Variants in LRRC4C observed in about 807,000 individuals in gnomAD.
LRRC4C encodes leucine-rich repeat-containing protein 4C.
In LRRC4C, 5 loss-of-function variants were observed where a neutral mutation model predicts 33.6. That is an observed-to-expected ratio of 0.15 (90% CI 0.08 to 0.31). The LOEUF (loss-of-function observed/expected upper bound fraction) is 0.31, where lower values mean the gene tolerates loss of function less well. Among genes scored for constraint, LRRC4C ranks in the 10% least tolerant of loss-of-function variants. LRRC4C has a pLI of 1.00. For missense variants in LRRC4C, 560 were observed against 796.7 expected (o/e 0.70, Z 3.58); for synonymous variants, 329 against 302.0 (o/e 1.09, Z -0.93).
At chr11:40,156,794 T>G (rs760386094) in intron 5 of LRRC4C, among the ~76,000 whole-genome samples, 11 of 152,080 alleles carry the variant, frequency 7.2e-5, no homozygotes, top group Non-Finnish European at 1.3e-4. Context: ...ACACATCCCA[T>G]GCTCATGGAA....
At chr11:40,896,792 G>T (rs1291540030) in intron 2 of LRRC4C, among the ~76,000 whole-genome samples, 1 of 152,046 alleles carries the variant, frequency 6.6e-6, no homozygotes, top group African/African-American at 2.4e-5. Context: ...ATTTAACAAG[G>T]TATGCGCATC....
chr11:40,337,983 C>T (rs958458575), intron 3 of LRRC4C, among the ~76,000 whole-genome samples: 3 of 152,140 alleles, frequency 2.0e-5, no homozygotes, highest in Non-Finnish European at 4.4e-5. Context: ...TAGATATGCC[C>T]TACAACTCTT....
chr11:40,671,538 A>G (rs1038603555), intron 2 of LRRC4C, among the ~76,000 whole-genome samples: 1 of 151,998 alleles, frequency 6.6e-6, no homozygotes, highest in Non-Finnish European at 1.5e-5. Flanking sequence ...TTCACTTTCT[A>G]TATAGCACAA....
chr11:40,699,326 A>G (rs1332712954), intron 2 of LRRC4C, among the ~76,000 whole-genome samples: 1 of 152,194 alleles, frequency 6.6e-6, no homozygotes, highest in African/African-American at 2.4e-5. Flanking sequence ...CCAAATGGCT[A>G]AACAGAGATT....
intron 3 of LRRC4C, among the ~76,000 whole-genome samples, chr11:40,472,502 A>G (rs1296286708): frequency 4.8e-5 from 5 of 103,912 alleles, no homozygotes; most frequent in Admixed American, 2.1e-4. Context: ...CCCACAGGAG[A>G]AAGCAGGAAA....
intron 3 of LRRC4C, among the ~76,000 whole-genome samples, chr11:40,442,287 A>G (rs762179231): frequency 6.6e-5 from 10 of 152,058 alleles, no homozygotes; most frequent in Non-Finnish European, 1.3e-4. Context: ...CTTGTGTCAC[A>G]AGTTCTTAGG....
intron 2 of LRRC4C, among the ~76,000 whole-genome samples, chr11:40,867,340 A>G (rs978768106): frequency 2.0e-5 from 3 of 152,160 alleles, no homozygotes; most frequent in South Asian, 2.1e-4. Context: ...GTCCTGAAAC[A>G]TTGGCTAAGT....
At chr11:41,033,201 C>T (rs1444874607) in intron 1 of LRRC4C, among the ~76,000 whole-genome samples, 1 of 151,936 alleles carries the variant, frequency 6.6e-6, no homozygotes, top group Admixed American at 6.6e-5. Flanking sequence ...ATCCTGAAGT[C>T]ATTTCAGAAT....
At chr11:40,534,350 G>A (rs966672650) in intron 3 of LRRC4C, among the ~76,000 whole-genome samples, 1 of 151,978 alleles carries the variant, frequency 6.6e-6, no homozygotes, top group Non-Finnish European at 1.5e-5. Flanking sequence ...TATATACATA[G>A]TACTTAAAAA....
chr11:40,779,288 T>C (rs1422407762), intron 2 of LRRC4C, among the ~76,000 whole-genome samples: 1 of 152,172 alleles, frequency 6.6e-6, no homozygotes, highest in Non-Finnish European at 1.5e-5. Flanking sequence ...AAAAAATGAA[T>C]AGAAGATAAA....
At chr11:40,790,670 C>T (rs1950587342) in intron 2 of LRRC4C, among the ~76,000 whole-genome samples, 2 of 152,184 alleles carry the variant, frequency 1.3e-5, no homozygotes, top group Admixed American at 1.3e-4. Context: ...CCTAAAATCT[C>T]TGTAAAACAT....
intron 3 of LRRC4C, among the ~76,000 whole-genome samples, chr11:40,408,270 C>G (rs116975890): frequency 0.012 from 1,890 of 152,004 alleles, 16 homozygotes; most frequent in Non-Finnish European, 0.018. Flanking sequence ...TAACAAAACA[C>G]AAGTGTGTGT....
At chr11:41,400,292 C>T (rs1024790068) in intron 1 of LRRC4C, among the ~76,000 whole-genome samples, 9 of 151,816 alleles carry the variant, frequency 5.9e-5, no homozygotes, top group South Asian at 2.1e-4. Flanking sequence ...GAGCTCAGTG[C>T]CTGACATTTA....
At chr11:41,014,677 A>C (rs1324322641) in intron 1 of LRRC4C, among the ~76,000 whole-genome samples, 1 of 152,112 alleles carries the variant, frequency 6.6e-6, no homozygotes, top group Non-Finnish European at 1.5e-5. Context: ...CCTTGTTCAA[A>C]AAGGGCTGTC....
At chr11:41,214,575 CAAAAAAAAAAAAAAA>C (rs547167050) in intron 1 of LRRC4C, among the ~76,000 whole-genome samples, 1 of 34,770 alleles carries the variant, frequency 2.9e-5, no homozygotes, top group Admixed American at 3.6e-4. Context: ...ACTAAAAATA[CAAAAAAAAAAAAAAA>C]AAAAAAAAAA....
chr11:41,124,390 T>C (rs112452320), intron 1 of LRRC4C, among the ~76,000 whole-genome samples: 3 of 152,284 alleles, frequency 2.0e-5, no homozygotes, highest in African/African-American at 7.2e-5. Context: ...TAAGCCACGG[T>C]CTTTAAGTCC....
Position 40,437,062 on chromosome 11 carries a change from T to G in LRRC4C, c.-269-117341A>C, listed in dbSNP as rs566351266. Reference sequence around the variant, plus strand: ...CATTGTTATTCTTTTTTATTATATTTTTTGTGGGCTTTAACTTTTCTGATA... The same window carrying G: ...CATTGTTATTCTTTTTTATTATATTGTTTGTGGGCTTTAACTTTTCTGATA... On this transcript the variant is annotated intron_variant, in intron 3 of 6. Transcript: ENST00000528697. 2.0e-5 allele frequency among the ~76,000 whole-genome samples: 3 copies of G among 152,262 alleles called. No homozygotes were observed. In the East Asian group the frequency reaches 5.8e-4, roughly 30 times the overall value.
chr11:40,807,936 G>T (rs2135355150), intron 2 of LRRC4C, among the ~76,000 whole-genome samples: 1 of 152,166 alleles, frequency 6.6e-6, no homozygotes, highest in South Asian at 2.1e-4. Context: ...TAATATTTTT[G>T]ATTATTTTGG....
At chr11:40,712,419 A>G (rs1946512053) in intron 2 of LRRC4C, among the ~76,000 whole-genome samples, 1 of 152,222 alleles carries the variant, frequency 6.6e-6, no homozygotes, top group Non-Finnish European at 1.5e-5. Flanking sequence ...TTAAACCTAC[A>G]TGCCACAAAA....
Sources: gnomAD v4.1 joint callset for allele counts (sites outside exome capture counted in the v4.1 genomes callset) on GRCh38, gnomAD v4.1.1 for gene constraint, MANE v1.5 for transcripts, NCBI Gene and HGNC (gene_info 2026-07-23, HGNC 2026-07-21) for gene names.